The following AUTS2 variants were observed in gnomAD, a reference collection of about 807,000 sequenced individuals.
The protein encoded by AUTS2 is activator of transcription and developmental regulator AUTS2.
AUTS2 carries 17 observed loss-of-function variants against 112.4 expected under a neutral mutation model. The ratio of observed to expected loss-of-function variants is 0.15; its 90% CI spans 0.10 to 0.23. AUTS2 has a LOEUF of 0.23. AUTS2 is among the 10% of genes least tolerant of loss of function. The pLI, the probability that AUTS2 is intolerant of heterozygous loss-of-function variation, is 1.00. For synonymous variants in AUTS2, 751 were observed against 702.7 expected, an observed-to-expected ratio of 1.07 and a Z score of -1.09; for missense variants, 1,510 against 1,701.6, an observed-to-expected ratio of 0.89 and a Z score of 1.98.
chr7:70,125,244 GATGT>G (rs1031625401), intron 3 of AUTS2, among the ~76,000 whole-genome samples: 3 of 123,200 alleles, frequency 2.4e-5, no homozygotes, highest in African/African-American at 9.6e-5. Context: ...GTTATTTGGA[GATGT>G]GTGTGTGTGT....
chr7:69,956,677 A>C (rs1198448553), intron 2 of AUTS2, among the ~76,000 whole-genome samples: 5 of 152,066 alleles, frequency 3.3e-5, no homozygotes, highest in Non-Finnish European at 7.4e-5. Flanking sequence ...GTGCAGCATC[A>C]CTCGGGCTGT....
At chr7:70,483,134 C>A (rs1412465593) in intron 5 of AUTS2, among the ~76,000 whole-genome samples, 3 of 152,038 alleles carry the variant, frequency 2.0e-5, no homozygotes, top group Non-Finnish European at 1.5e-5. Flanking sequence ...CTCTGGGGCC[C>A]CTGAATTTGA....
chr7:70,750,914 C>A (rs1365017627), intron 6 of AUTS2, among the ~76,000 whole-genome samples: 2 of 152,082 alleles, frequency 1.3e-5, no homozygotes, highest in Non-Finnish European at 2.9e-5. Flanking sequence ...TTGGTAAAGT[C>A]ATAAGTGTTG....
At chr7:70,583,477 T>G (rs1802541769) in intron 5 of AUTS2, among the ~76,000 whole-genome samples, 1 of 152,200 alleles carries the variant, frequency 6.6e-6, no homozygotes, top group South Asian at 2.1e-4. Flanking sequence ...GGGCCTGTTT[T>G]CTAAGTAGCC....
intron 6 of AUTS2, among the ~76,000 whole-genome samples, chr7:70,716,198 C>T (rs922368989): frequency 5.3e-5 from 8 of 152,158 alleles, no homozygotes; most frequent in Admixed American, 4.6e-4. Flanking sequence ...AGTAGCCTAG[C>T]CAGGTCCGTC....
intron 5 of AUTS2, among the ~76,000 whole-genome samples, chr7:70,660,966 A>G (rs1403158016): frequency 6.6e-6 from 1 of 152,080 alleles, no homozygotes; most frequent in Non-Finnish European, 1.5e-5. Flanking sequence ...TTTCCTGACC[A>G]TCCCTTATCT....
chr7:70,399,544 GT>G lies in AUTS2; in HGVS notation c.661-36204del, dbSNP rs755650518. Among the ~76,000 whole-genome samples, 32 of 152,200 alleles carry G rather than the reference GT, an allele frequency of 2.1e-4. 1 individual carries two copies. Among genetic ancestry groups the G allele is most frequent in the South Asian group, 1.5e-3 (7 of 4,820 alleles). Reference sequence around the variant, plus strand: ...TTCAAGTCCTCTAGGTTTAAGATTTGTTTTGTTTTGCCAGTCTTTTATAATT... The same window carrying G: ...TTCAAGTCCTCTAGGTTTAAGATTTGTTTGTTTTGCCAGTCTTTTATAATT... On this transcript the variant is annotated intron_variant, in intron 4 of 18. Coordinates refer to ENST00000342771, the MANE Select transcript of AUTS2 (RefSeq NM_015570.4).
intron 1 of AUTS2, among the ~76,000 whole-genome samples, chr7:69,678,532 A>G (rs1796664694): frequency 6.6e-6 from 1 of 152,188 alleles, no homozygotes; most frequent in African/African-American, 2.4e-5. Context: ...TGGTGTTATT[A>G]CTTAACCAAA....
intron 2 of AUTS2, among the ~76,000 whole-genome samples, chr7:70,062,183 T>C (rs962880274): frequency 2.6e-5 from 4 of 152,114 alleles, no homozygotes; most frequent in African/African-American, 7.2e-5. Context: ...GTTGTTTTTT[T>C]CTGATCATTA....
In AUTS2 at chr7:70,547,489, G is replaced by A. The variant is rs530072164; in HGVS notation, c.690+111708G>A. On this transcript the variant is annotated intron_variant, in intron 5 of 18. Transcript: ENST00000342771. ...AGGATGGTCTCGATCTCTCCACCTC[G>A]TGATCTGCCTGCCTCAGCCTCCCAA... Among the ~76,000 whole-genome samples, 8 of 152,260 alleles carry A rather than the reference G, an allele frequency of 5.3e-5. No homozygotes were observed. The East Asian group carries it at 5.8e-4, about 11-fold the overall frequency.
intron 1 of AUTS2, among the ~76,000 whole-genome samples, chr7:69,622,539 C>T (rs1365701128): frequency 2.0e-5 from 3 of 152,104 alleles, no homozygotes; most frequent in Non-Finnish European, 4.4e-5. Flanking sequence ...TTTAAACTTT[C>T]AACAATGTAA....
At chr7:69,956,156 C>T (rs1394118873) in intron 2 of AUTS2, among the ~76,000 whole-genome samples, 1 of 152,074 alleles carries the variant, frequency 6.6e-6, no homozygotes, top group East Asian at 1.9e-4. Flanking sequence ...TTTCTCCCTT[C>T]ACCTGGCATT....
At chr7:70,442,718 C>T in intron 5 of AUTS2, among the ~76,000 whole-genome samples, 1 of 152,150 alleles carries the variant, frequency 6.6e-6, no homozygotes, top group Non-Finnish European at 1.5e-5. Flanking sequence ...GAACTCCTGA[C>T]CTCAGGTGAC....
At chr7:70,545,457 A>G (rs1309988414) in intron 5 of AUTS2, among the ~76,000 whole-genome samples, 2 of 152,204 alleles carry the variant, frequency 1.3e-5, no homozygotes, top group Admixed American at 1.3e-4. Flanking sequence ...ATACTTCCTC[A>G]AGGGCACAAA....
At chr7:69,908,072 A>C (rs1250022601) in intron 2 of AUTS2, among the ~76,000 whole-genome samples, 1 of 152,248 alleles carries the variant, frequency 6.6e-6, no homozygotes, top group Non-Finnish European at 1.5e-5. Context: ...TTAAATATGA[A>C]TATAGATACA....
At chr7:70,178,328 T>C (rs1249654381) in intron 4 of AUTS2, among the ~76,000 whole-genome samples, 1 of 152,028 alleles carries the variant, frequency 6.6e-6, no homozygotes, top group East Asian at 1.9e-4. Context: ...GTGAAATACG[T>C]CTTTAAACCT....
intron 4 of AUTS2, among the ~76,000 whole-genome samples, chr7:70,399,615 T>C (rs1001136284): frequency 6.6e-6 from 1 of 152,216 alleles, no homozygotes; most frequent in Admixed American, 6.5e-5. Flanking sequence ...TTTAAGTTTC[T>C]CACCTTTAGT....
At chr7:69,957,992 A>G (rs1797284447) in intron 2 of AUTS2, among the ~76,000 whole-genome samples, 1 of 152,148 alleles carries the variant, frequency 6.6e-6, no homozygotes, top group Non-Finnish European at 1.5e-5. Flanking sequence ...CCTGGTGGTG[A>G]GGTACTGAAA....
intron 4 of AUTS2, among the ~76,000 whole-genome samples, chr7:70,341,438 T>C (rs557690715): frequency 6.6e-6 from 1 of 152,338 alleles, no homozygotes; most frequent in African/African-American, 2.4e-5. Flanking sequence ...CTGTGAACAA[T>C]AGCATGTGTA....
Sources: gnomAD v4.1 joint callset for allele counts (sites outside exome capture counted in the v4.1 genomes callset) on GRCh38, gnomAD v4.1.1 for gene constraint, MANE v1.5 for transcripts, NCBI Gene and HGNC (gene_info 2026-07-23, HGNC 2026-07-21) for gene names.